KCNV2: variants seen among roughly 807,000 people sequenced by gnomAD.
KCNV2 encodes the protein potassium voltage-gated channel modifier subfamily V member 2.
A neutral mutation model predicts 37.0 loss-of-function variants in KCNV2; 65 were observed. The ratio of observed to expected loss-of-function variants is 1.76; its 90% confidence interval spans 1.44 to 2.16. KCNV2 has a LOEUF of 2.16. Among genes scored for constraint, KCNV2 ranks in the 30% most tolerant of loss-of-function variants. The pLI, the probability that KCNV2 is intolerant of heterozygous loss-of-function variation, is 0.00. For synonymous variants in KCNV2, 518 were observed against 328.6 expected (o/e 1.58, Z -6.23); for missense variants, 1,232 against 766.7 (o/e 1.61, Z -7.17).
chr9:2,717,902 A>G lies in KCNV2; in HGVS notation c.163A>G (p.Ile55Val). 2 of 1,614,098 alleles carry G rather than the reference A, an allele frequency of 1.2e-6. No individual in the cohort carries two copies. Among genetic ancestry groups the G allele is most frequent in the Non-Finnish European group, 1.7e-6 (2 of 1,180,006 alleles). The change falls in exon 1 of 2, where the codon ATC becomes GTC. Residue 55 changes from isoleucine (I) to valine (V), a missense_variant. Transcript: ENST00000382082. ...GACAGAGGGCAACTATAACTACTAC[A>G]TCGAGGAAGACGAAGACGGCGAGGA... ...GWTEGNYNYY[I>V]EEDEDGEEED...
rs1346798699 is a variant in KCNV2, at chr9:2,722,378, TTTATAAATAAATTAGAAG to T, written c.1356+3288_1356+3305del. ...TTATTTATAAATAAATTAGAAGTTATTTATAAATAAATTAGAAGTTATTTATAAATAAGTTATTTATAA... is the reference window on the plus strand; with the variant it reads ...TTATTTATAAATAAATTAGAAGTTATTTATTTATAAATAAGTTATTTATAA... On this transcript the variant is annotated intron_variant, in intron 1 of 1. Coordinates refer to ENST00000382082, the MANE Select transcript of KCNV2 (RefSeq NM_133497.4). 1.9e-4 allele frequency among the ~76,000 whole-genome samples: 26 copies of T among 139,780 alleles called. No individual in the cohort carries two copies. The East Asian group carries it at 3.8e-3, about 20-fold the overall frequency. The allele number at this position is 139,780 out of a possible 152,430, so 91.7% of individuals were successfully genotyped here. A position where few individuals can be genotyped will look rare whatever the true frequency, so the allele number is the denominator to read the frequency against.
chr9:2,718,153 G>A lies in KCNV2; in HGVS notation c.414G>A (p.Leu138=). 1.2e-6 allele frequency: 2 copies of A among 1,611,896 alleles called. No individual in the cohort carries two copies. Among genetic ancestry groups the A allele is most frequent in the Non-Finnish European group, 1.7e-6 (2 of 1,179,128 alleles). The change falls in exon 1 of 2, where the codon CTG becomes CTA. Residue 138 remains leucine (L), a synonymous_variant. Transcript: ENST00000382082. ...CCAGCCGCAGCCGCCAGCTAAGCCT[G>A]TGCGACGACTACGAGGAGCAGACAG... The part of the protein sequence containing the change: ...TSTSRSRQLS[L]CDDYEEQTDE...
At position 2,718,050 on chromosome 9, in the gene KCNV2, G is replaced by C. The variant is rs1819771441; in HGVS notation, c.311G>C (p.Gly104Ala). Reference protein sequence around the residue: ...ALLSTLNVNVGGHSYQLDYCE... With the variant: ...ALLSTLNVNVAGHSYQLDYCE... ...CTGTCCACGCTGAATGTGAACGTGG[G>C]TGGCCACAGCTACCAGCTGGACTAC... The change falls in exon 1 of 2, where the codon GGT (glycine) becomes GCT (alanine). Residue 104 changes from glycine to alanine, a missense_variant. By Grantham distance (60) the Gly-to-Ala change is moderately conservative. Coordinates refer to ENST00000382082, the MANE Select transcript of KCNV2 (RefSeq NM_133497.4). 1 of 1,609,374 alleles carries C rather than the reference G, an allele frequency of 6.2e-7. No homozygotes were observed.
Position 2,718,188 on chromosome 9 carries a change from T to C in KCNV2, c.449T>C (p.Phe150Ser). 4.3e-6 allele frequency: 7 copies of C among 1,613,360 alleles called. No homozygotes were observed. Among genetic ancestry groups the C allele is most frequent in the Non-Finnish European group, 5.9e-6 (7 of 1,179,828 alleles). Residue 150 changes from phenylalanine to serine, a missense_variant, in exon 1 of 2, where the codon TTC (phenylalanine) becomes TCC (serine). By Grantham distance (155) the Phe-to-Ser change is radical. Transcript: ENST00000382082. ...TACGAGGAGCAGACAGACGAATACT[T>C]CTTCGACCGCGACCCGGCCGTCTTC... is the stretch of plus-strand genomic sequence containing the variant. ...DDYEEQTDEYFFDRDPAVFQL... is the reference protein window; with the variant it reads ...DDYEEQTDEYSFDRDPAVFQL...
chr9:2,728,658 C>T (rs1001581750), intron 1 of KCNV2, among the ~76,000 whole-genome samples: 1 of 152,072 alleles, frequency 6.6e-6, no homozygotes, highest in African/African-American at 2.4e-5. Context: ...AGTGTTTCTC[C>T]AGACATCTGC....
chr9:2,717,907 G>A lies in KCNV2; in HGVS notation c.168G>A (p.Glu56=), dbSNP rs201975160. 209 of 1,614,204 alleles carry A rather than the reference G, an allele frequency of 1.3e-4. No homozygotes were observed. The Admixed American group carries it at 1.8e-3, about 14-fold the overall frequency. ...WTEGNYNYYI[E]EDEDGEEEDQ... ...AGGGCAACTATAACTACTACATCGA[G>A]GAAGACGAAGACGGCGAGGAGGAGG... is the stretch of plus-strand genomic sequence containing the variant. The change falls in exon 1 of 2, where the codon GAG becomes GAA. Residue 56 remains glutamate, a synonymous_variant. Transcript: ENST00000382082.
chr9:2,726,414 A>T (rs906672035), intron 1 of KCNV2, among the ~76,000 whole-genome samples: 1 of 152,176 alleles, frequency 6.6e-6, no homozygotes, highest in Non-Finnish European at 1.5e-5. Flanking sequence ...TATTTGGATC[A>T]TATTATACAC....
At chr9:2,724,900 A>C (rs1046803222) in intron 1 of KCNV2, among the ~76,000 whole-genome samples, 3 of 152,236 alleles carry the variant, frequency 2.0e-5, no homozygotes, top group Non-Finnish European at 4.4e-5. Context: ...CAACATATAA[A>C]TATCTGGCAC....
chr9:2,723,026 A>T (rs1244846900), intron 1 of KCNV2, among the ~76,000 whole-genome samples: 1 of 152,236 alleles, frequency 6.6e-6, no homozygotes, highest in East Asian at 1.9e-4. Context: ...AGGGCAGGTT[A>T]GCCCACCCAC....
Position 2,718,199 on chromosome 9 carries a change from G to C in KCNV2, c.460G>C (p.Asp154His), listed in dbSNP as rs769400306. Residue 154 changes from aspartate (D) to histidine (H), a missense_variant, in exon 1 of 2, where the codon GAC becomes CAC. Transcript: ENST00000382082. The part of the protein sequence containing the change: ...EQTDEYFFDR[D>H]PAVFQLVYNF... Reference sequence around the variant, plus strand: ...GACAGACGAATACTTCTTCGACCGCGACCCGGCCGTCTTCCAGCTGGTCTA... The same window carrying C: ...GACAGACGAATACTTCTTCGACCGCCACCCGGCCGTCTTCCAGCTGGTCTA... 2.5e-6 allele frequency: 4 copies of C among 1,613,420 alleles called. No individual in the cohort carries two copies.
intron 1 of KCNV2, among the ~76,000 whole-genome samples, chr9:2,724,026 G>A (rs1819929037): frequency 6.7e-6 from 1 of 150,056 alleles, no homozygotes; most frequent in Non-Finnish European, 1.5e-5. Flanking sequence ...TTTTTTGCCG[G>A]GGGTTGGGGG....
At chr9:2,725,070 G>A (rs1423079828) in intron 1 of KCNV2, among the ~76,000 whole-genome samples, 2 of 152,174 alleles carry the variant, frequency 1.3e-5, no homozygotes, top group Non-Finnish European at 2.9e-5. Flanking sequence ...TAGCCAATAT[G>A]ATGTGAGTGG....
At chr9:2,729,057 G>A (rs977717099) in intron 1 of KCNV2, among the ~76,000 whole-genome samples, 1 of 152,108 alleles carries the variant, frequency 6.6e-6, no homozygotes, top group Non-Finnish European at 1.5e-5. Context: ...CTGCTTTCCT[G>A]AATCTGGTGC....
intron 1 of KCNV2, 83 bp from the exon 2 acceptor site, chr9:2,729,363 C>A (rs550360190): frequency 1.3e-6 from 2 of 1,486,502 alleles, no homozygotes; most frequent in African/African-American, 1.4e-5. Context: ...ACAGGGAGGA[C>A]GCTTCCCTGC....
chr9:2,721,903 A>G (rs889729413), intron 1 of KCNV2, among the ~76,000 whole-genome samples: 5 of 152,076 alleles, frequency 3.3e-5, no homozygotes, highest in Non-Finnish European at 7.4e-5. Context: ...CAGATATGAC[A>G]ATCTGAGAAG....
At position 2,729,621 on chromosome 9, in the gene KCNV2, T is replaced by C; in HGVS notation, c.1532T>C (p.Ile511Thr). The change falls in exon 2 of 2, where the codon ATA becomes ACA. Residue 511 changes from isoleucine (I) to threonine (T), a missense_variant. Physicochemically the swap from Ile to Thr is moderately conservative, Grantham distance 89 (BLOSUM62 -1). Transcript: ENST00000382082. ...SKLKAYEYTT[I>T]RRERGEVNFM... is the part of the protein sequence containing the mutation. Reference sequence around the variant, plus strand: ...CTGAAGGCTTATGAGTATACCACCATACGCAGGGAGAGGGGAGAGGTGAAC... The same window carrying C: ...CTGAAGGCTTATGAGTATACCACCACACGCAGGGAGAGGGGAGAGGTGAAC... The C allele has an allele frequency of 1.2e-6, 2 of 1,614,026 alleles. No homozygotes were observed. The highest frequency in any genetic ancestry group is 2.7e-5 in the African/African-American group (2 of 74,976).
At chr9:2,720,881 G>A (rs1036986056) in intron 1 of KCNV2, among the ~76,000 whole-genome samples, 14 of 152,096 alleles carry the variant, frequency 9.2e-5, no homozygotes, top group Non-Finnish European at 1.2e-4. Flanking sequence ...AAAGAATAAT[G>A]TTACTCAGGT....
intron 1 of KCNV2, among the ~76,000 whole-genome samples, chr9:2,719,928 G>A (rs372734921): frequency 2.8e-4 from 43 of 152,264 alleles, no homozygotes; most frequent in African/African-American, 9.9e-4. Context: ...TATAACTTGT[G>A]CTGTTTACTC....
chr9:2,718,659 T>G lies in KCNV2; in HGVS notation c.920T>G (p.Met307Arg), dbSNP rs201074293. ...DLRPILEHVEMLCMGFFTLEY... is the reference protein window; with the variant it reads ...DLRPILEHVERLCMGFFTLEY... ...CGGCCCATCCTGGAGCACGTGGAGA[T>G]GCTGTGCATGGGCTTCTTCACGCTC... Residue 307 changes from methionine to arginine, a missense_variant, in exon 1 of 2, where the codon ATG becomes AGG. Physicochemically the swap from Met to Arg is moderately conservative, Grantham distance 91. Coordinates refer to ENST00000382082, the MANE Select transcript of KCNV2 (RefSeq NM_133497.4). 678 of 1,613,394 alleles carry G rather than the reference T, an allele frequency of 4.2e-4. 10 individuals carry two copies. In the East Asian group the frequency reaches 9.7e-3, roughly 23 times the overall value.
Sources: allele counts gnomAD v4.1 joint callset (sites outside exome capture counted in the v4.1 genomes callset), GRCh38; gene constraint gnomAD v4.1.1; transcripts MANE v1.5; gene names NCBI Gene and HGNC (gene_info 2026-07-23, HGNC 2026-07-21).